UVRAG: variants seen among roughly 807,000 people sequenced by gnomAD.
UVRAG encodes the protein UV radiation resistance-associated gene protein.
UVRAG carries 19 observed loss-of-function variants against 78.0 expected under a neutral mutation model. That is an observed-to-expected ratio of 0.24 (90% CI 0.17 to 0.36). UVRAG has a LOEUF of 0.36. Among genes scored for constraint, UVRAG ranks in the 10% least tolerant of loss-of-function variants. The probability of loss-of-function intolerance (pLI) is 1.00; values close to 1 mark genes in which losing one functional copy is unlikely to be tolerated. For synonymous variants in UVRAG, 323 were observed against 324.6 expected, an observed-to-expected ratio of 1.00 and a Z score of 0.05; for missense variants, 740 against 853.8, an observed-to-expected ratio of 0.87 and a Z score of 1.66.
chr11:75,897,483 A>G (rs994229014), intron 5 of UVRAG, among the ~76,000 whole-genome samples: 11 of 152,184 alleles, frequency 7.2e-5, no homozygotes, highest in Admixed American at 1.3e-4. Flanking sequence ...AGTTAGCTCT[A>G]TGCTACAGAT....
At chr11:76,009,493 A>G (rs1315062401) in intron 11 of UVRAG, among the ~76,000 whole-genome samples, 1 of 152,158 alleles carries the variant, frequency 6.6e-6, no homozygotes, top group East Asian at 1.9e-4. Context: ...TTTTATTGTT[A>G]GCCAAGTGGG....
At chr11:75,931,745 A>AAG (rs1372058106) in intron 6 of UVRAG, among the ~76,000 whole-genome samples, 1 of 152,176 alleles carries the variant, frequency 6.6e-6, no homozygotes, top group Non-Finnish European at 1.5e-5. Flanking sequence ...TGGACAATGA[A>AAG]AGATGAGGAA....
chr11:75,905,220 C>T (rs1947588993), intron 5 of UVRAG, among the ~76,000 whole-genome samples: 1 of 152,170 alleles, frequency 6.6e-6, no homozygotes, highest in South Asian at 2.1e-4. Context: ...ACTGTCTCCT[C>T]TGTCCTTTTT....
At chr11:76,034,002 T>C (rs1325195206) in intron 12 of UVRAG, among the ~76,000 whole-genome samples, 1 of 152,202 alleles carries the variant, frequency 6.6e-6, no homozygotes, top group African/African-American at 2.4e-5. Flanking sequence ...GTCTGTTGAG[T>C]AGCTGTTACA....
At chr11:75,959,041 A>G (rs1313057655) in intron 6 of UVRAG, among the ~76,000 whole-genome samples, 1 of 152,216 alleles carries the variant, frequency 6.6e-6, no homozygotes, top group Non-Finnish European at 1.5e-5. Flanking sequence ...GTAAACAGAT[A>G]CATTGTCATC....
At chr11:75,892,865 A>C (rs555107634) in intron 5 of UVRAG, among the ~76,000 whole-genome samples, 1 of 152,272 alleles carries the variant, frequency 6.6e-6, no homozygotes, top group Non-Finnish European at 1.5e-5. Flanking sequence ...GCAAGGATTG[A>C]TGAAATCGGA....
Position 75,817,584 on chromosome 11 carries a change from A to G in UVRAG, c.117+2060A>G, listed in dbSNP as rs534695702. ...CACTTTTACTTTTGCAGTTGACATC[A>G]ATTTATCTTTTGGGGTCAAAATGCT... is the stretch of plus-strand genomic sequence containing the variant. On this transcript the variant is annotated intron_variant, in intron 1 of 14. Coordinates refer to ENST00000356136, the MANE Select transcript of UVRAG (RefSeq NM_003369.4). 2.0e-5 allele frequency among the ~76,000 whole-genome samples: 3 copies of G among 152,310 alleles called. No individual in the cohort carries two copies. The East Asian group carries it at 5.8e-4, about 29-fold the overall frequency.
At chr11:75,922,308 T>C (rs1490192640) in intron 6 of UVRAG, among the ~76,000 whole-genome samples, 3 of 152,294 alleles carry the variant, frequency 2.0e-5, no homozygotes, top group South Asian at 2.1e-4. Flanking sequence ...CAGTATTTTG[T>C]ATAAAATAGG....
intron 13 of UVRAG, among the ~76,000 whole-genome samples, chr11:76,111,889 G>A (rs1344800655): frequency 1.4e-5 from 2 of 141,416 alleles, no homozygotes; most frequent in African/African-American, 5.6e-5. Context: ...CGAGACATTA[G>A]AGGAAAGCCT....
At chr11:76,128,323 G>GA (rs1952450472) in intron 14 of UVRAG, among the ~76,000 whole-genome samples, 1 of 152,190 alleles carries the variant, frequency 6.6e-6, no homozygotes, top group African/African-American at 2.4e-5. Context: ...GATGATCTGA[G>GA]ATGGAATCGT....
At chr11:75,982,573 GT>G (rs1465575178) in intron 7 of UVRAG, among the ~76,000 whole-genome samples, 2 of 152,166 alleles carry the variant, frequency 1.3e-5, no homozygotes, top group Non-Finnish European at 2.9e-5. Context: ...GGTGTCAGTA[GT>G]TACCACATGG....
intron 13 of UVRAG, among the ~76,000 whole-genome samples, chr11:76,081,846 A>T (rs947604902): frequency 1.3e-5 from 2 of 151,822 alleles, no homozygotes; most frequent in African/African-American, 4.8e-5. Flanking sequence ...TAATTAAGGT[A>T]TATTTATGTA....
At chr11:75,976,603 TATGTGTCCAGGA>T (rs1949246383) in intron 7 of UVRAG, among the ~76,000 whole-genome samples, 1 of 152,210 alleles carries the variant, frequency 6.6e-6, no homozygotes. Context: ...TGGGATGGTG[TATGTGTCCAGGA>T]ATGTATCTAT....
intron 8 of UVRAG, among the ~76,000 whole-genome samples, chr11:75,992,400 TTA>T (rs1184500661): frequency 6.6e-6 from 1 of 152,204 alleles, no homozygotes; most frequent in African/African-American, 2.4e-5. Context: ...TTTCTCACTT[TTA>T]TATATGTTTT....
At chr11:75,901,343 A>C (rs1166272843) in intron 5 of UVRAG, among the ~76,000 whole-genome samples, 1 of 152,078 alleles carries the variant, frequency 6.6e-6, no homozygotes, top group Non-Finnish European at 1.5e-5. Flanking sequence ...TTCAAAGCTC[A>C]CTTATGGTTT....
At chr11:75,956,582 C>T (rs145893182) in intron 6 of UVRAG, among the ~76,000 whole-genome samples, 2,682 of 152,040 alleles carry the variant, frequency 0.018, 74 homozygotes, top group African/African-American at 0.061. Flanking sequence ...GACGGGGTTT[C>T]ACCATGTTGG....
intron 1 of UVRAG, among the ~76,000 whole-genome samples, chr11:75,818,623 C>G (rs1945317671): frequency 6.6e-6 from 1 of 151,886 alleles, no homozygotes; most frequent in Non-Finnish European, 1.5e-5. Flanking sequence ...GGATTACAAG[C>G]ACCTGCCACC....
chr11:76,140,723 C>T lies in UVRAG; in HGVS notation c.1410C>T (p.His470=). 1.3e-6 allele frequency: 2 copies of T among 1,580,040 alleles called. No homozygotes were observed. The highest frequency in any genetic ancestry group is 2.7e-5 in the African/African-American group (2 of 73,338). ...GTTTCTCTTCTAGTGACAGACATCA[C>T]ACCTCCAGTGCAATCCCTGTTCCTA... is the stretch of plus-strand genomic sequence containing the variant. ...HGLMVRCDRH[H]TSSAIPVPKR... is the part of the protein sequence containing the mutation. Residue 470 remains histidine (H), a synonymous_variant, in exon 15 of 15, where the codon CAC becomes CAT. Transcript: ENST00000356136.
intron 7 of UVRAG, among the ~76,000 whole-genome samples, chr11:75,962,522 C>G (rs1948928785): frequency 6.6e-6 from 1 of 152,124 alleles, no homozygotes; most frequent in Non-Finnish European, 1.5e-5. Context: ...AGTGCTATAG[C>G]TGGCAGGTAG....
Sources: gnomAD v4.1 joint callset for allele counts (sites outside exome capture counted in the v4.1 genomes callset) on GRCh38, gnomAD v4.1.1 for gene constraint, MANE v1.5 for transcripts, NCBI Gene and HGNC (gene_info 2026-07-23, HGNC 2026-07-21) for gene names.